FAIM: variants seen among roughly 807,000 people sequenced by gnomAD.
FAIM encodes fas apoptotic inhibitory molecule 1.
In FAIM, 14 loss-of-function variants were observed where a neutral mutation model predicts 21.2. The observed-to-expected ratio is 0.66, with a 90% confidence interval of 0.44 to 1.03. The LOEUF (loss-of-function observed/expected upper bound fraction) is 1.03, where lower values mean the gene tolerates loss of function less well. Ranked by LOEUF, FAIM falls within the 50% of genes least tolerant of loss-of-function variation. FAIM has a pLI of 0.00. For synonymous variants in FAIM, 86 were observed against 80.4 expected (o/e 1.07, Z -0.37); for missense variants, 222 against 247.1 (o/e 0.90, Z 0.68).
chr3:138,632,924 C>T lies in FAIM; in HGVS notation c.457-6C>T. ...CCACTAATTCCTTCTTCTTTTGTTG[C>T]TCCAGGGTGAGTTTGTAGATGATGG... is the stretch of plus-strand genomic sequence containing the variant. On this transcript the variant is annotated splice_region_variant and splice_polypyrimidine_tract_variant and intron_variant, in intron 5 of 5. Coordinates refer to ENST00000360570, the MANE Select transcript of FAIM (RefSeq NM_001033031.2). 12 of 1,611,454 alleles carry T rather than the reference C, an allele frequency of 7.4e-6. No individual in the cohort carries two copies. The highest frequency in any genetic ancestry group is 1.0e-5 in the Non-Finnish European group (12 of 1,178,894).
intron 1 of FAIM, among the ~76,000 whole-genome samples, chr3:138,612,217 C>T (rs1251863572): frequency 3.3e-5 from 5 of 151,442 alleles, no homozygotes; most frequent in African/African-American, 9.7e-5. Flanking sequence ...TCTCCTGCCT[C>T]GGCCTCTTGA....
At chr3:138,628,497 A>T (rs1043908243) in intron 4 of FAIM, among the ~76,000 whole-genome samples, 5 of 151,014 alleles carry the variant, frequency 3.3e-5, no homozygotes, top group Middle Eastern at 3.4e-3. Context: ...TTATTTATTT[A>T]TTTTTGAGAT....
intron 5 of FAIM, chr3:138,629,572 T>C (rs1326133543): frequency 6.4e-6 from 1 of 155,836 alleles, no homozygotes; most frequent in Non-Finnish European, 1.4e-5. Context: ...AAATGCTAAT[T>C]CTAACATTTC....
At chr3:138,611,218 A>G (rs1346129444) in intron 1 of FAIM, among the ~76,000 whole-genome samples, 1 of 152,114 alleles carries the variant, frequency 6.6e-6, no homozygotes, top group South Asian at 2.1e-4. Context: ...TTTTGGTTAC[A>G]GGTGCAGTTG....
intron 1 of FAIM, among the ~76,000 whole-genome samples, chr3:138,615,439 T>C (rs547955435): frequency 1.3e-5 from 2 of 152,324 alleles, no homozygotes; most frequent in East Asian, 3.9e-4. Context: ...AATCACCAGT[T>C]ACGAAGAAGT....
intron 1 of FAIM, chr3:138,610,896 G>T: frequency 6.7e-7 from 1 of 1,491,904 alleles, no homozygotes; most frequent in Non-Finnish European, 9.3e-7. Context: ...TTTCTCCAAA[G>T]TTTTAAACCA....
intron 1 of FAIM, among the ~76,000 whole-genome samples, chr3:138,611,392 T>C (rs2042767294): frequency 6.6e-6 from 1 of 152,128 alleles, no homozygotes; most frequent in Non-Finnish European, 1.5e-5. Context: ...GTAAAATATA[T>C]ACAACATAGA....
intron 5 of FAIM, among the ~76,000 whole-genome samples, chr3:138,632,359 A>G (rs560122517): frequency 2.0e-5 from 3 of 149,580 alleles, no homozygotes; most frequent in East Asian, 1.9e-4. Context: ...TTTAAACAGC[A>G]TATCTATTTT....
In FAIM at chr3:138,633,184, T is replaced by A. The variant is rs1358400557; in HGVS notation, c.*105T>A. ...GTACATTTAGTCTGCAATGTTTTAA[T>A]TTTTTAAAAAGTTACATGAAACTAA... is the stretch of plus-strand genomic sequence containing the variant. On this transcript the variant is annotated 3_prime_UTR_variant, in exon 6 of 6. Transcript: ENST00000360570. 5.8e-6 allele frequency: 6 copies of A among 1,039,758 alleles called. No homozygotes were observed. The highest frequency in any genetic ancestry group is 7.7e-6 in the Non-Finnish European group (6 of 775,508). 64.4% of individuals were successfully genotyped at this position (1,039,758 alleles called of 1,614,324 possible).
chr3:138,613,913 A>G (rs2042798785), intron 1 of FAIM, among the ~76,000 whole-genome samples: 1 of 152,110 alleles, frequency 6.6e-6, no homozygotes, highest in African/African-American at 2.4e-5. Flanking sequence ...TTCTTCTAAG[A>G]GTTTTGTGGT....
intron 2 of FAIM, among the ~76,000 whole-genome samples, chr3:138,620,612 C>CA (rs1001936662): frequency 6.6e-6 from 1 of 152,136 alleles, no homozygotes; most frequent in African/African-American, 2.4e-5. Context: ...TCTCTTACCT[C>CA]AGCATCCCAA....
At chr3:138,615,730 T>A (rs1294432369) in intron 1 of FAIM, among the ~76,000 whole-genome samples, 1 of 152,210 alleles carries the variant, frequency 6.6e-6, no homozygotes, top group African/African-American at 2.4e-5. Context: ...CAGATGTCAG[T>A]CTGTTAACCT....
intron 5 of FAIM, among the ~76,000 whole-genome samples, chr3:138,631,416 AC>A (rs1267383760): frequency 1.3e-5 from 2 of 152,212 alleles, no homozygotes; most frequent in South Asian, 2.1e-4. Flanking sequence ...ACCCTGTCAC[AC>A]ACATACACAA....
chr3:138,632,187 T>C (rs1350007910), intron 5 of FAIM, among the ~76,000 whole-genome samples: 2 of 151,178 alleles, frequency 1.3e-5, no homozygotes, highest in Admixed American at 1.3e-4. Context: ...TTTTAATTTA[T>C]CTAGTATCCA....
chr3:138,629,094 GTTACCT>G lies in FAIM; in HGVS notation c.407-8_407-3del. ...CAGAATTATAACTTAAAGTTTTTAT[GTTACCT>G]TTACAGAAAAAGATGCTATGGACGT... On this transcript the variant is annotated splice_polypyrimidine_tract_variant and splice_region_variant and intron_variant, in intron 4 of 5. Coordinates refer to ENST00000360570, the MANE Select transcript of FAIM (RefSeq NM_001033031.2). 1.3e-6 allele frequency: 2 copies of G among 1,590,958 alleles called. No individual in the cohort carries two copies. The highest frequency in any genetic ancestry group is 1.7e-6 in the Non-Finnish European group (2 of 1,168,298).
intron 3 of FAIM, 38 bp downstream of exon 3, chr3:138,621,577 A>G (rs372623501): frequency 1.9e-6 from 3 of 1,571,264 alleles, no homozygotes; most frequent in East Asian, 2.2e-5. Context: ...AATATGATAT[A>G]TAGAGAAACT....
At chr3:138,629,029 A>T in intron 4 of FAIM, 78 bp from the exon 5 acceptor site, 2 of 1,128,254 alleles carry the variant, frequency 1.8e-6, no homozygotes, top group Admixed American at 4.2e-5. Context: ...ATCCTTTCCT[A>T]AAGTAATAAA....
intron 1 of FAIM, among the ~76,000 whole-genome samples, chr3:138,610,010 A>G (rs2042750543): frequency 6.6e-6 from 1 of 152,096 alleles, no homozygotes; most frequent in Admixed American, 6.5e-5. Flanking sequence ...ATTTTACTGG[A>G]GACCCCCCTC....
chr3:138,628,674 G>A (rs1006824271), intron 4 of FAIM, among the ~76,000 whole-genome samples: 1 of 151,888 alleles, frequency 6.6e-6, no homozygotes, highest in Non-Finnish European at 1.5e-5. Context: ...TAGTAGAGAT[G>A]GGGTTTCACC....
Sources: gnomAD v4.1 joint callset for allele counts (sites outside exome capture counted in the v4.1 genomes callset) on GRCh38, gnomAD v4.1.1 for gene constraint, MANE v1.5 for transcripts, NCBI Gene and HGNC (gene_info 2026-07-23, HGNC 2026-07-21) for gene names.